FAM162A: variants seen among roughly 807,000 people sequenced by gnomAD.
The protein encoded by FAM162A is protein FAM162A.
In FAM162A, 23 loss-of-function variants were observed where a neutral mutation model predicts 21.8. The ratio of observed to expected loss-of-function variants is 1.05; its 90% CI spans 0.76 to 1.49. FAM162A has a LOEUF of 1.49. FAM162A is among the 40% of genes most tolerant of loss of function. FAM162A has a pLI of 0.00. For missense variants in FAM162A, 165 were observed against 186.4 expected (o/e 0.89, Z 0.67); for synonymous variants, 53 against 61.3 (o/e 0.86, Z 0.64).
Position 122,407,277 on chromosome 3 carries a change from C to A in FAM162A, c.264-4C>A. 6.2e-7 allele frequency: 1 copy of A among 1,611,996 alleles called. No homozygotes were observed. The highest frequency in any genetic ancestry group is 8.5e-7 in the Non-Finnish European group (1 of 1,178,384). On this transcript the variant is annotated splice_region_variant and splice_polypyrimidine_tract_variant and intron_variant, in intron 3 of 4. Coordinates refer to ENST00000477892, the MANE Select transcript of FAM162A (RefSeq NM_014367.4). ...TTTCTCTCATGATCTCATTGTATTA[C>A]TAGGTTGGAGATGCTTGATGCTGCA...
At chr3:122,400,857 G>A (rs969865448) in intron 1 of FAM162A, among the ~76,000 whole-genome samples, 50 of 151,812 alleles carry the variant, frequency 3.3e-4, no homozygotes, top group Admixed American at 1.5e-3. Context: ...TGAGAATATC[G>A]TTACTATATA....
chr3:122,399,050 A>G (rs2075641739), intron 1 of FAM162A, among the ~76,000 whole-genome samples: 1 of 152,076 alleles, frequency 6.6e-6, no homozygotes, highest in Non-Finnish European at 1.5e-5. Context: ...CCTAGCACCC[A>G]TTAGTTATCT....
chr3:122,407,412 T>C (rs1482074112), intron 4 of FAM162A, 23 bp downstream of exon 4: 18 of 1,556,976 alleles, frequency 1.2e-5, no homozygotes, highest in Non-Finnish European at 1.5e-5. Flanking sequence ...TTCTTCTCTA[T>C]CCAGTATGTA....
intron 3 of FAM162A, among the ~76,000 whole-genome samples, chr3:122,406,993 G>T (rs2075678872): frequency 9.3e-6 from 1 of 107,638 alleles, no homozygotes; most frequent in Non-Finnish European, 2.0e-5. Flanking sequence ...AATATGCCTT[G>T]CCCATTTTTT....
rs370864408 is a variant in FAM162A, at chr3:122,392,368, T to A, written c.34+8069T>A. Among the ~76,000 whole-genome samples the A allele has an allele frequency of 1.2e-4, 19 of 152,322 alleles. No individual in the cohort carries two copies. The East Asian group carries it at 3.7e-3, about 29-fold the overall frequency. On this transcript the variant is annotated intron_variant, in intron 1 of 4. Transcript: ENST00000477892. ...GGCCTTGTAGGTCACATTAAACCAG[T>A]GGTTCTCTGGGGAGATGAAAAAGTC...
In FAM162A at chr3:122,389,374, T is replaced by TATAGATGG. The variant is rs1265295590; in HGVS notation, c.34+5082_34+5089dup. Among the ~76,000 whole-genome samples, 441 of 132,668 alleles carry TATAGATGG rather than the reference T, an allele frequency of 3.3e-3. 2 individuals are homozygous for TATAGATGG. Among genetic ancestry groups the TATAGATGG allele is most frequent in the African/African-American group, 0.012 (409 of 35,134 alleles). The allele number at this position is 132,668 out of a possible 152,430, so 87.0% of individuals were successfully genotyped here. A position where few individuals can be genotyped will look rare whatever the true frequency, so the allele number is the denominator to read the frequency against. On this transcript the variant is annotated intron_variant, in intron 1 of 4. Coordinates refer to ENST00000477892, the MANE Select transcript of FAM162A (RefSeq NM_014367.4). Reference sequence around the variant, plus strand: ...AGTAGTCAGCCTTTCTGGAAAGTAGTATAGATGGATAGATAGATAGATAGA... The same window carrying TATAGATGG: ...AGTAGTCAGCCTTTCTGGAAAGTAGTATAGATGGATAGATGGATAGATAGATAGATAGA...
At chr3:122,404,638 T>C (rs897292687) in intron 3 of FAM162A, among the ~76,000 whole-genome samples, 13 of 152,226 alleles carry the variant, frequency 8.5e-5, no homozygotes, top group Admixed American at 8.5e-4. Flanking sequence ...GCTACAGAAG[T>C]GTGACTTTTT....
At chr3:122,386,802 C>T (rs1244457538) in intron 1 of FAM162A, among the ~76,000 whole-genome samples, 1 of 152,154 alleles carries the variant, frequency 6.6e-6, no homozygotes, top group Admixed American at 6.5e-5. Flanking sequence ...GTTGTAGATA[C>T]AGATCAGGGT....
chr3:122,408,608 C>G (rs560026026), intron 4 of FAM162A, among the ~76,000 whole-genome samples: 3 of 152,314 alleles, frequency 2.0e-5, no homozygotes, highest in East Asian at 3.9e-4. Context: ...CTCTTGAAAA[C>G]TCTGTTCCCA....
rs2075697185 is a variant in FAM162A, at chr3:122,410,006, T to C, written c.*175T>C. 3.0e-6 allele frequency: 2 copies of C among 662,890 alleles called. No homozygotes were observed. Among genetic ancestry groups the C allele is most frequent in the African/African-American group, 3.6e-5 (2 of 55,726 alleles). The allele number at this position is 662,890 out of a possible 1,614,324, so 41.1% of individuals were successfully genotyped here. On this transcript the variant is annotated 3_prime_UTR_variant, in exon 5 of 5. Transcript: ENST00000477892. ...AATAAATTTTCTTAAATAATGACTGTGTTTTATTGTTTTGATCCAAGTCAA... is the reference window on the plus strand; with the variant it reads ...AATAAATTTTCTTAAATAATGACTGCGTTTTATTGTTTTGATCCAAGTCAA...
chr3:122,400,668 T>C (rs2075648594), intron 1 of FAM162A, among the ~76,000 whole-genome samples: 1 of 144,938 alleles, frequency 6.9e-6, no homozygotes, highest in Non-Finnish European at 1.5e-5. Flanking sequence ...ATACTAAAAA[T>C]ACAAAAAAAT....
At chr3:122,409,641 C>A in intron 4 of FAM162A, 98 bp from the exon 5 acceptor site, 1 of 986,926 alleles carries the variant, frequency 1.0e-6, no homozygotes, top group Non-Finnish European at 1.6e-6. Flanking sequence ...GGACTCCATG[C>A]CTCCATGCCT....
chr3:122,397,509 C>T (rs1311852046), intron 1 of FAM162A, among the ~76,000 whole-genome samples: 2 of 152,198 alleles, frequency 1.3e-5, no homozygotes, highest in African/African-American at 4.8e-5. Flanking sequence ...AAGCCCTAGT[C>T]AGATTTATCT....
chr3:122,386,521 A>G (rs906918399), intron 1 of FAM162A, among the ~76,000 whole-genome samples: 1 of 151,388 alleles, frequency 6.6e-6, no homozygotes, highest in African/African-American at 2.4e-5. Flanking sequence ...TCATGCTACC[A>G]CATTCCAATC....
chr3:122,409,676 A>C lies in FAM162A; in HGVS notation c.373-63A>C. ...TCTGTTAACCTGCTGTCATCAGTGC[A>C]AGGTAAAGACACCCTCCCCTGACCA... is the stretch of plus-strand genomic sequence containing the variant. On this transcript the variant is annotated intron_variant, in intron 4 of 4. Transcript: ENST00000477892. 7.0e-7 allele frequency: 1 copy of C among 1,435,070 alleles called. No homozygotes were observed. Among genetic ancestry groups the C allele is most frequent in the Non-Finnish European group, 9.8e-7 (1 of 1,018,312 alleles). The allele number at this position is 1,435,070 out of a possible 1,614,324, so 88.9% of individuals were successfully genotyped here.
At chr3:122,395,891 C>T (rs1044101036) in intron 1 of FAM162A, among the ~76,000 whole-genome samples, 1 of 152,160 alleles carries the variant, frequency 6.6e-6, no homozygotes, top group Non-Finnish European at 1.5e-5. Context: ...AATATACTCT[C>T]ATATTTACAG....
chr3:122,409,393 G>A (rs369133678), intron 4 of FAM162A, among the ~76,000 whole-genome samples: 3 of 152,092 alleles, frequency 2.0e-5, no homozygotes, highest in Non-Finnish European at 2.9e-5. Flanking sequence ...GAAGAAAAAC[G>A]GGATAGAAAT....
chr3:122,403,023 ATGTGCACATGAC>A, intron 2 of FAM162A, 141 bp downstream of exon 2: 2 of 968,472 alleles, frequency 2.1e-6, no homozygotes, highest in East Asian at 2.7e-5. Context: ...CACATTGTGC[ATGTGCACATGAC>A]CAATATGAGC....
Position 122,411,040 on chromosome 3 carries a change from T to C in FAM162A, c.*1209T>C, listed in dbSNP as rs965860235. 3 of 152,224 alleles carry C rather than the reference T, an allele frequency of 2.0e-5. No individual in the cohort carries two copies. Among genetic ancestry groups the C allele is most frequent in the African/African-American group, 7.2e-5 (3 of 41,462 alleles). 9.4% of individuals were successfully genotyped at this position (152,224 alleles called of 1,614,324 possible). A position where few individuals can be genotyped will look rare whatever the true frequency, so the allele number is the denominator to read the frequency against. On this transcript the variant is annotated 3_prime_UTR_variant, in exon 5 of 5. Coordinates refer to ENST00000477892, the MANE Select transcript of FAM162A (RefSeq NM_014367.4). ...GTATGTATGTATACGAAAAACATAG[T>C]ATATGCAGGGTTGGGTACTATCCAC...
Sources: allele counts gnomAD v4.1 joint callset (sites outside exome capture counted in the v4.1 genomes callset), GRCh38; gene constraint gnomAD v4.1.1; transcripts MANE v1.5; gene names NCBI Gene and HGNC (gene_info 2026-07-23, HGNC 2026-07-21).